INPP4B: variants seen among roughly 807,000 people sequenced by gnomAD.
INPP4B encodes the protein inositol polyphosphate 4-phosphatase type II.
Under a neutral mutation model 122.5 loss-of-function variants are expected in INPP4B, and 55 were observed. The ratio of observed to expected loss-of-function variants is 0.45; its 90% CI spans 0.36 to 0.56. The LOEUF (loss-of-function observed/expected upper bound fraction) is 0.56, where lower values mean the gene tolerates loss of function less well. Among genes scored for constraint, INPP4B ranks in the 20% least tolerant of loss-of-function variants. INPP4B has a pLI of 0.00. For synonymous variants in INPP4B, 403 were observed against 388.7 expected (o/e 1.04, Z -0.43); for missense variants, 1,000 against 1,097.7 (o/e 0.91, Z 1.26).
intron 3 of INPP4B, among the ~76,000 whole-genome samples, chr4:142,438,534 C>T (rs1477748492): frequency 6.6e-6 from 1 of 152,100 alleles, no homozygotes; most frequent in African/African-American, 2.4e-5. Flanking sequence ...TTCCTTACAC[C>T]TTGTACAAAA....
chr4:142,833,994 A>T (rs1224709064), intron 1 of INPP4B, among the ~76,000 whole-genome samples: 1 of 152,142 alleles, frequency 6.6e-6, no homozygotes, highest in Non-Finnish European at 1.5e-5. Context: ...GAATGTCCCA[A>T]TATATTTTTC....
At chr4:142,187,202 G>A (rs1285270865) in intron 15 of INPP4B, among the ~76,000 whole-genome samples, 1 of 152,082 alleles carries the variant, frequency 6.6e-6, no homozygotes. Context: ...AAGAAAAAAA[G>A]GAACTGACAG....
intron 11 of INPP4B, among the ~76,000 whole-genome samples, chr4:142,252,409 C>T (rs926464385): frequency 6.6e-6 from 1 of 151,798 alleles, no homozygotes; most frequent in Non-Finnish European, 1.5e-5. Flanking sequence ...AGGATGGTCT[C>T]GATCTCCTGA....
At chr4:142,272,424 A>G (rs2150597934) in intron 9 of INPP4B, among the ~76,000 whole-genome samples, 1 of 152,214 alleles carries the variant, frequency 6.6e-6, no homozygotes, top group Admixed American at 6.5e-5. Context: ...TAAAAATAAA[A>G]GTGATTTATT....
At chr4:142,254,132 C>A (rs192166582) in intron 11 of INPP4B, among the ~76,000 whole-genome samples, 1 of 152,224 alleles carries the variant, frequency 6.6e-6, no homozygotes, top group African/African-American at 2.4e-5. Context: ...AACAGACCTG[C>A]AGCTGAGGGT....
At chr4:142,743,441 A>C (rs1182125294) in intron 1 of INPP4B, among the ~76,000 whole-genome samples, 1 of 151,990 alleles carries the variant, frequency 6.6e-6, no homozygotes, top group Non-Finnish European at 1.5e-5. Context: ...ATTCTTGGCC[A>C]AGGATTGAGC....
Position 142,093,552 on chromosome 4 carries a change from G to A in INPP4B, c.2375-7296C>T, listed in dbSNP as rs898129115. ...ACTGCCTACTCTGGTGAGTACTATA[G>A]TCTGTAACATCAAGTCTCTTCTACA... On this transcript the variant is annotated intron_variant, in intron 23 of 25. Transcript: ENST00000262992. Among the ~76,000 whole-genome samples, 4 of 152,094 alleles carry A rather than the reference G, an allele frequency of 2.6e-5. No individual in the cohort carries two copies. The East Asian group carries it at 7.7e-4, about 29-fold the overall frequency.
At position 142,526,927 on chromosome 4, in the gene INPP4B, A is replaced by T. The variant is rs1054839217; in HGVS notation, c.-190-64201T>A. 3.3e-5 allele frequency among the ~76,000 whole-genome samples: 5 copies of T among 152,060 alleles called. No homozygotes were observed. In the East Asian group the frequency reaches 7.7e-4, roughly 23 times the overall value. On this transcript the variant is annotated intron_variant, in intron 2 of 25. Transcript: ENST00000262992. Reference sequence around the variant, plus strand: ...TGCAATGAAAAAGCTTTAAAATTTCAAATATTTTAGACAGATAATGCTGTC... The same window carrying T: ...TGCAATGAAAAAGCTTTAAAATTTCTAATATTTTAGACAGATAATGCTGTC...
intron 11 of INPP4B, among the ~76,000 whole-genome samples, chr4:142,257,790 T>C (rs868781044): frequency 4.3e-4 from 65 of 152,214 alleles, no homozygotes; most frequent in Non-Finnish European, 4.7e-4. Context: ...AGGTAATTTA[T>C]AGATTCAATG....
At chr4:142,514,844 G>A (rs1324491285) in intron 2 of INPP4B, among the ~76,000 whole-genome samples, 3 of 142,838 alleles carry the variant, frequency 2.1e-5, no homozygotes, top group Non-Finnish European at 4.5e-5. Flanking sequence ...CACCCAGGCT[G>A]GAATGCAGTG....
chr4:142,037,437 TCTC>T (rs1403080902), intron 25 of INPP4B, among the ~76,000 whole-genome samples: 2 of 152,162 alleles, frequency 1.3e-5, no homozygotes, highest in Non-Finnish European at 2.9e-5. Flanking sequence ...CTTCCTATCT[TCTC>T]CTGCTGGGTA....
chr4:142,283,711 T>C (rs1348080040), intron 9 of INPP4B, among the ~76,000 whole-genome samples: 1 of 152,092 alleles, frequency 6.6e-6, no homozygotes, highest in African/African-American at 2.4e-5. Context: ...GGAACCACCA[T>C]TGGTTGTATA....
intron 2 of INPP4B, among the ~76,000 whole-genome samples, chr4:142,552,717 A>AAGTATTT (rs903940599): frequency 2.0e-5 from 3 of 152,212 alleles, no homozygotes; most frequent in African/African-American, 7.2e-5. Context: ...ACACTGCTGT[A>AAGTATTT]AGTATTTTAT....
chr4:142,165,727 C>G (rs1822391073), intron 16 of INPP4B, among the ~76,000 whole-genome samples: 1 of 151,690 alleles, frequency 6.6e-6, no homozygotes, highest in Admixed American at 6.6e-5. Flanking sequence ...TAACATTTCT[C>G]TTGAATCAAT....
intron 21 of INPP4B, among the ~76,000 whole-genome samples, chr4:142,115,398 G>T (rs1792622779): frequency 6.6e-6 from 1 of 152,146 alleles, no homozygotes; most frequent in Non-Finnish European, 1.5e-5. Flanking sequence ...AACATGTTAA[G>T]GGCAGTCAGA....
intron 7 of INPP4B, among the ~76,000 whole-genome samples, chr4:142,386,896 C>CA (rs1374627666): frequency 6.6e-6 from 1 of 152,170 alleles, no homozygotes; most frequent in Non-Finnish European, 1.5e-5. Context: ...ACTGAGTGAA[C>CA]AAGCAAGATA....
intron 1 of INPP4B, among the ~76,000 whole-genome samples, chr4:142,767,311 A>G (rs183171551): frequency 3.3e-5 from 5 of 152,126 alleles, no homozygotes; most frequent in Admixed American, 3.3e-4. Context: ...TTGCTTCCAA[A>G]CCTAGGTAAG....
chr4:142,604,995 A>T (rs1740918157), intron 2 of INPP4B, among the ~76,000 whole-genome samples: 1 of 152,160 alleles, frequency 6.6e-6, no homozygotes, highest in African/African-American at 2.4e-5. Flanking sequence ...TAACCAAAAC[A>T]GCACACTATT....
chr4:142,594,833 T>C (rs1738317878), intron 2 of INPP4B, among the ~76,000 whole-genome samples: 1 of 151,468 alleles, frequency 6.6e-6, no homozygotes, highest in East Asian at 1.9e-4. Context: ...TGGGCACCTG[T>C]AGTCCCAGCT....
Sources: allele counts gnomAD v4.1 joint callset (sites outside exome capture counted in the v4.1 genomes callset), GRCh38; gene constraint gnomAD v4.1.1; transcripts MANE v1.5; gene names NCBI Gene and HGNC (gene_info 2026-07-23, HGNC 2026-07-21).